SV2B: variants seen among roughly 807,000 people sequenced by gnomAD.
SV2B encodes the protein solute carrier family 22 member B2.
A neutral mutation model predicts 73.9 loss-of-function variants in SV2B; 41 were observed. That is an observed-to-expected ratio of 0.56 (90% CI 0.43 to 0.72). The LOEUF (loss-of-function observed/expected upper bound fraction) is 0.72. Among genes scored for constraint, SV2B ranks in the 30% least tolerant of loss-of-function variants. SV2B has a pLI of 0.00. For missense variants in SV2B, 764 were observed against 857.8 expected (o/e 0.89, Z 1.37); for synonymous variants, 314 against 314.2 (o/e 1.00, Z 0.01).
intron 1 of SV2B, among the ~76,000 whole-genome samples, chr15:91,171,930 C>T (rs2044135605): frequency 6.6e-6 from 1 of 152,152 alleles, no homozygotes; most frequent in Non-Finnish European, 1.5e-5. Flanking sequence ...CAGAATCATC[C>T]TTCTGAAACA....
intron 1 of SV2B, among the ~76,000 whole-genome samples, chr15:91,116,159 T>G (rs2042172643): frequency 6.6e-6 from 1 of 152,162 alleles, no homozygotes; most frequent in Non-Finnish European, 1.5e-5. Context: ...AACATGACCT[T>G]GCATTCTCCC....
intron 1 of SV2B, among the ~76,000 whole-genome samples, chr15:91,127,239 GA>G (rs1249731982): frequency 1.3e-5 from 2 of 152,206 alleles, no homozygotes; most frequent in Admixed American, 6.5e-5. Flanking sequence ...TTCCCTCTGG[GA>G]TGCTTAGCTT....
At position 91,106,797 on chromosome 15, in the gene SV2B, G is replaced by A. The variant is rs1251426214; in HGVS notation, c.-392+6434G>A. ...GAAGCAAGGAAGAATCTTGAAAGGGGAGAATTTTATTTAAATCAATTTATG... is the reference window on the plus strand; with the variant it reads ...GAAGCAAGGAAGAATCTTGAAAGGGAAGAATTTTATTTAAATCAATTTATG... On this transcript the variant is annotated intron_variant, in intron 1 of 12. Transcript: ENST00000394232. This position sits in a 1 kb window ranked among gnomAD's most constrained non-coding sequence, Gnocchi z 4.4. Among the ~76,000 whole-genome samples, 1 of 152,210 alleles carries A rather than the reference G, an allele frequency of 6.6e-6. No individual in the cohort carries two copies. The highest frequency in any genetic ancestry group is 6.5e-5 in the Admixed American group (1 of 15,282).
rs111491001 is a variant in SV2B at position 91,197,850 on chromosome 15, A to C, written c.-391-28023A>C. ...GGAGTTCCAGATCAGCTTGGCCAAC[A>C]TGGTGAAAACCCATCTCTACAAAAA... is the stretch of plus-strand genomic sequence containing the variant. On this transcript the variant is annotated intron_variant, in intron 1 of 12. Transcript: ENST00000394232. The surrounding 1 kb of genome is among the most constrained non-coding windows in gnomAD (Gnocchi z 4.9). Among the ~76,000 whole-genome samples, 31,083 of 151,994 alleles carry C rather than the reference A, an allele frequency of 0.2. 5,823 individuals carry two copies. Among genetic ancestry groups the C allele is most frequent in the African/African-American group, 0.5 (20,750 of 41,376 alleles).
intron 4 of SV2B, among the ~76,000 whole-genome samples, chr15:91,254,870 T>C (rs2047625721): frequency 6.6e-6 from 1 of 152,190 alleles, no homozygotes; most frequent in African/African-American, 2.4e-5. Flanking sequence ...AGACTGCTTG[T>C]TTCATGGGGA....
intron 1 of SV2B, among the ~76,000 whole-genome samples, chr15:91,138,145 A>G (rs1203283568): frequency 6.6e-6 from 1 of 152,200 alleles, no homozygotes; most frequent in African/African-American, 2.4e-5. Context: ...AGACAAAAAC[A>G]AAACCCAACA....
At position 91,281,948 on chromosome 15, in the gene SV2B, T is replaced by C. The variant is rs112156417; in HGVS notation, c.1507+87T>C. 31 of 1,426,832 alleles carry C rather than the reference T, an allele frequency of 2.2e-5. 1 individual carries two copies. The African/African-American group carries it at 3.9e-4, about 18-fold the overall frequency. 88.4% of individuals were successfully genotyped at this position (1,426,832 alleles called of 1,614,324 possible). ...AATCAAAATGGTCAGGCATAAACTT[T>C]AGGAGTAGGAAAGTATTCGTAGATA... On this transcript the variant is annotated intron_variant, in intron 10 of 12. Transcript: ENST00000394232. The surrounding 1 kb of genome is among the most constrained non-coding windows in gnomAD (Gnocchi z 4.7).
In SV2B at chr15:91,209,109, T is replaced by A. The variant is rs542822348; in HGVS notation, c.-391-16764T>A. ...CAATGAGTGACTGTGGCAGTACTGT[T>A]TTTTGTTTTTTTTTTTTTTTTTTTT... On this transcript the variant is annotated intron_variant, in intron 1 of 12. Transcript: ENST00000394232. 1.1e-3 allele frequency among the ~76,000 whole-genome samples: 158 copies of A among 137,860 alleles called. 1 individual carries two copies. Among genetic ancestry groups the A allele is most frequent in the African/African-American group, 5.0e-3 (156 of 30,920 alleles). The allele number at this position is 137,860 out of a possible 152,430, so 90.4% of individuals were successfully genotyped here. A position where few individuals can be genotyped will look rare whatever the true frequency, so the allele number is the denominator to read the frequency against.
intron 2 of SV2B, among the ~76,000 whole-genome samples, chr15:91,250,581 C>G (rs371894834): frequency 1.8e-4 from 28 of 151,938 alleles, no homozygotes; most frequent in African/African-American, 6.0e-4. Context: ...AAGACTCCAC[C>G]AAAAAATTGT....
chr15:91,179,007 C>T (rs890958512), intron 1 of SV2B, among the ~76,000 whole-genome samples: 50 of 151,730 alleles, frequency 3.3e-4, no homozygotes, highest in Admixed American at 1.3e-3. Context: ...TTGGATCTTT[C>T]CTGCTTTCTC....
intron 1 of SV2B, among the ~76,000 whole-genome samples, chr15:91,114,797 G>A (rs556974868): frequency 1.3e-5 from 2 of 152,296 alleles, no homozygotes; most frequent in Non-Finnish European, 2.9e-5. Flanking sequence ...GGGAGTGCTC[G>A]TGTATTGACA....
chr15:91,149,044 A>G (rs17516053), intron 1 of SV2B, among the ~76,000 whole-genome samples: 13,522 of 152,266 alleles, frequency 0.089, 758 homozygotes, highest in Non-Finnish European at 0.12. Flanking sequence ...GCATTTGTCA[A>G]TTTGGCTACC....
chr15:91,142,561 T>C (rs1023766612), intron 1 of SV2B, among the ~76,000 whole-genome samples: 3 of 152,108 alleles, frequency 2.0e-5, no homozygotes, highest in Admixed American at 6.5e-5. Context: ...CTATGACAAA[T>C]TGATCATAGA....
Position 91,123,899 on chromosome 15 carries a change from C to T in SV2B, c.-392+23536C>T, listed in dbSNP as rs539048255. Among the ~76,000 whole-genome samples, 1 of 152,294 alleles carries T rather than the reference C, an allele frequency of 6.6e-6. No homozygotes were observed. The highest frequency in any genetic ancestry group is 2.1e-4 in the South Asian group (1 of 4,824). On this transcript the variant is annotated intron_variant, in intron 1 of 12. Coordinates refer to ENST00000394232, the MANE Select transcript of SV2B (RefSeq NM_001323032.3). This position sits in a 1 kb window ranked among gnomAD's most constrained non-coding sequence, Gnocchi z 4.7. ...CTCTAAGCACACTTGGTCTGTGTCCCAGGCATATCTATAAATTACTCCCTT... is the reference window on the plus strand; with the variant it reads ...CTCTAAGCACACTTGGTCTGTGTCCTAGGCATATCTATAAATTACTCCCTT...
Position 91,267,428 on chromosome 15 carries a change from T to C in SV2B, c.1120-127T>C. On this transcript the variant is annotated intron_variant, in intron 7 of 12. Transcript: ENST00000394232. This position sits in a 1 kb window ranked among gnomAD's most constrained non-coding sequence, Gnocchi z 4.3. ...CAGTTTTGCTGCCTCTAGGAGACAGTGGGGTACCGGTTCTCTCCATGGGTT... is the reference window on the plus strand; with the variant it reads ...CAGTTTTGCTGCCTCTAGGAGACAGCGGGGTACCGGTTCTCTCCATGGGTT... 1 of 748,500 alleles carries C rather than the reference T, an allele frequency of 1.3e-6. No homozygotes were observed. The highest frequency in any genetic ancestry group is 2.3e-6 in the Non-Finnish European group (1 of 435,604). The allele number at this position is 748,500 out of a possible 1,614,324, so 46.4% of individuals were successfully genotyped here. A position where few individuals can be genotyped will look rare whatever the true frequency, so the allele number is the denominator to read the frequency against.
chr15:91,125,180 T>G (rs1438633778), intron 1 of SV2B, among the ~76,000 whole-genome samples: 1 of 152,144 alleles, frequency 6.6e-6, no homozygotes, highest in Non-Finnish European at 1.5e-5. Context: ...ACCCTAAAGG[T>G]CTCATTGTAA....
intron 2 of SV2B, among the ~76,000 whole-genome samples, chr15:91,249,068 T>TCACATACACACACACA (rs1290015975): frequency 1.4e-3 from 201 of 142,114 alleles, no homozygotes; most frequent in African/African-American, 5.2e-3. Flanking sequence ...ATCTACGTTT[T>TCACATACACACACACA]CACACACACA....
chr15:91,228,371 A>AT (rs945068845), intron 2 of SV2B, among the ~76,000 whole-genome samples: 8 of 151,744 alleles, frequency 5.3e-5, no homozygotes, highest in African/African-American at 1.7e-4. Flanking sequence ...TAAATAATAG[A>AT]TTTTTTTTTC....
rs886284012 is a variant in SV2B, at chr15:91,300,193, A to C, written c.*7641A>C. 1 of 152,246 alleles carries C rather than the reference A, an allele frequency of 6.6e-6. No individual in the cohort carries two copies. Among genetic ancestry groups the C allele is most frequent in the Non-Finnish European group, 1.5e-5 (1 of 68,046 alleles). 9.4% of individuals were successfully genotyped at this position (152,246 alleles called of 1,614,324 possible). A position where few individuals can be genotyped will look rare whatever the true frequency, so the allele number is the denominator to read the frequency against. On this transcript the variant is annotated 3_prime_UTR_variant, in exon 13 of 13. Transcript: ENST00000394232. ...TTGCCACATTTCAAATGGGCCAAAC[A>C]TTAAAATAACTTATCCATGAATTTC...
Sources: allele counts gnomAD v4.1 joint callset (sites outside exome capture counted in the v4.1 genomes callset), GRCh38; gene constraint gnomAD v4.1.1; non-coding constraint Gnocchi (gnomAD v3.1); transcripts MANE v1.5; gene names NCBI Gene and HGNC (gene_info 2026-07-23, HGNC 2026-07-21).